The following PHLDB2 variants were observed in gnomAD, a reference collection of about 807,000 sequenced individuals.
The protein encoded by PHLDB2 is pleckstrin homology-like domain family B member 2.
Under a neutral mutation model 123.6 loss-of-function variants are expected in PHLDB2, and 71 were observed. The ratio of observed to expected loss-of-function variants is 0.57; its 90% CI spans 0.47 to 0.70. PHLDB2 has a LOEUF of 0.70. Ranked by LOEUF, PHLDB2 falls within the 30% of genes least tolerant of loss-of-function variation. The probability of loss-of-function intolerance (pLI) is 0.00; values close to 1 mark genes in which losing one functional copy is unlikely to be tolerated. For synonymous variants in PHLDB2, 547 were observed against 541.6 expected (o/e 1.01, Z -0.14); for missense variants, 1,446 against 1,519.5 (o/e 0.95, Z 0.80).
At chr3:111,794,541 A>T (rs1472019576) in intron 1 of PHLDB2, among the ~76,000 whole-genome samples, 1 of 152,190 alleles carries the variant, frequency 6.6e-6, no homozygotes, top group Non-Finnish European at 1.5e-5. Context: ...TACAGTGGGG[A>T]CAATTGCTGG....
intron 12 of PHLDB2, among the ~76,000 whole-genome samples, chr3:111,961,360 T>G (rs1052197245): frequency 6.6e-6 from 1 of 152,100 alleles, no homozygotes; most frequent in African/African-American, 2.4e-5. Context: ...AAAGACCTCT[T>G]ATTTATGGTG....
At chr3:111,912,302 A>C (rs979741746) in intron 2 of PHLDB2, among the ~76,000 whole-genome samples, 1 of 152,228 alleles carries the variant, frequency 6.6e-6, no homozygotes, top group Non-Finnish European at 1.5e-5. Flanking sequence ...AATCATAGAT[A>C]TCTGCCTGTT....
At chr3:111,956,451 C>T (rs768304016) in intron 12 of PHLDB2, among the ~76,000 whole-genome samples, 6 of 152,126 alleles carry the variant, frequency 3.9e-5, no homozygotes, top group Admixed American at 1.3e-4. Context: ...CTGATGTTCC[C>T]GTTGCAAAAT....
chr3:111,831,013 G>GAAAGAAAGAAAGAAAGAAAAGA (rs1553736466), intron 1 of PHLDB2, among the ~76,000 whole-genome samples: 53 of 102,146 alleles, frequency 5.2e-4, no homozygotes, highest in Non-Finnish European at 7.1e-4. Context: ...AAGAAAGAAA[G>GAAAGAAAGAAAGAAAGAAAAGA]AAAGAAAGAA....
intron 1 of PHLDB2, among the ~76,000 whole-genome samples, chr3:111,764,398 G>A (rs2060043607): frequency 6.6e-6 from 1 of 152,142 alleles, no homozygotes. Context: ...AGAGTACATG[G>A]TAAACTAGCA....
chr3:111,898,162 TTGTG>T (rs372434568), intron 2 of PHLDB2, among the ~76,000 whole-genome samples: 2 of 135,978 alleles, frequency 1.5e-5, no homozygotes, highest in Non-Finnish European at 3.2e-5. Context: ...GGCAATTTCT[TTGTG>T]TGTGTGTGTG....
chr3:111,757,821 C>G (rs2059921914), intron 1 of PHLDB2, among the ~76,000 whole-genome samples: 1 of 152,188 alleles, frequency 6.6e-6, no homozygotes, highest in Admixed American at 6.5e-5. Flanking sequence ...ACAGGTCTAA[C>G]AACAGACCTC....
chr3:111,769,393 A>G (rs1234080763), intron 1 of PHLDB2, among the ~76,000 whole-genome samples: 1 of 152,206 alleles, frequency 6.6e-6, no homozygotes, highest in African/African-American at 2.4e-5. Flanking sequence ...TCTGTCAGAC[A>G]CTGTCTTTTC....
chr3:111,971,204 T>C (rs1559929607), intron 16 of PHLDB2, among the ~76,000 whole-genome samples: 1 of 152,242 alleles, frequency 6.6e-6, no homozygotes, highest in African/African-American at 2.4e-5. Flanking sequence ...TGATGTGGTA[T>C]TGTCTTCAGA....
rs374465891 is a variant in PHLDB2 at position 111,960,450 on chromosome 3, C to T, written c.2873-1658C>T. ...CAGAAATGTCTGAATCTGAAATAAC[C>T]TATTTTCACTTAAATATCTAAAACC... On this transcript the variant is annotated intron_variant, in intron 12 of 17. Transcript: ENST00000431670. Among the ~76,000 whole-genome samples, 41 of 152,294 alleles carry T rather than the reference C, an allele frequency of 2.7e-4. No homozygotes were observed. In the East Asian group the frequency reaches 2.9e-3, roughly 11 times the overall value.
At chr3:111,767,190 GTC>G (rs942371985) in intron 1 of PHLDB2, among the ~76,000 whole-genome samples, 5 of 152,168 alleles carry the variant, frequency 3.3e-5, no homozygotes, top group African/African-American at 9.7e-5. Context: ...TAGTCTGGGT[GTC>G]TCTGATTTGA....
upstream of PHLDB2, chr3:111,859,170 A>G: frequency 1.0e-6 from 1 of 984,904 alleles, no homozygotes; most frequent in Non-Finnish European, 1.2e-6. Context: ...TTCCCAATAG[A>G]TACTTCGCTG....
chr3:111,759,996 G>A (rs1576529404), intron 1 of PHLDB2, among the ~76,000 whole-genome samples: 1 of 152,350 alleles, frequency 6.6e-6, no homozygotes, highest in East Asian at 1.9e-4. Flanking sequence ...AAGTTTCTGT[G>A]TCTTCATGCC....
chr3:111,854,458 G>A (rs745699600), upstream of PHLDB2, among the ~76,000 whole-genome samples: 4 of 152,120 alleles, frequency 2.6e-5, no homozygotes, highest in Admixed American at 6.6e-5. Flanking sequence ...ATATTAAAGC[G>A]AACTTCAGCA....
intron 2 of PHLDB2, among the ~76,000 whole-genome samples, chr3:111,853,687 C>A (rs2064359493): frequency 6.6e-6 from 1 of 152,104 alleles, no homozygotes; most frequent in Non-Finnish European, 1.5e-5. Flanking sequence ...ACCAGCCTGA[C>A]CAACATGGTG....
chr3:111,765,338 A>T (rs1227177539), intron 1 of PHLDB2, among the ~76,000 whole-genome samples: 1 of 152,172 alleles, frequency 6.6e-6, no homozygotes, highest in Admixed American at 6.6e-5. Context: ...GAACACTAAC[A>T]AGTGACTGTG....
chr3:111,904,522 T>C (rs1312074711), intron 2 of PHLDB2, among the ~76,000 whole-genome samples: 1 of 152,112 alleles, frequency 6.6e-6, no homozygotes, highest in Non-Finnish European at 1.5e-5. Context: ...ATTGCAAAGC[T>C]CTGGGAATGA....
intron 2 of PHLDB2, among the ~76,000 whole-genome samples, chr3:111,896,629 G>A (rs2066888675): frequency 6.6e-6 from 1 of 152,052 alleles, no homozygotes; most frequent in Admixed American, 6.6e-5. Flanking sequence ...AGGATTATAG[G>A]TGTGAGCCAC....
At chr3:111,835,545 C>T (rs1022426605) in intron 1 of PHLDB2, among the ~76,000 whole-genome samples, 4 of 152,138 alleles carry the variant, frequency 2.6e-5, no homozygotes, top group South Asian at 2.1e-4. Context: ...TTCCCACTGT[C>T]GATTGCAGTG....
Sources: allele counts gnomAD v4.1 joint callset (sites outside exome capture counted in the v4.1 genomes callset), GRCh38; gene constraint gnomAD v4.1.1; transcripts MANE v1.5; gene names NCBI Gene and HGNC (gene_info 2026-07-23, HGNC 2026-07-21).